Variants in MCM3 observed in about 807,000 individuals in gnomAD.
The protein encoded by MCM3 is minichromosome maintenance complex component 3.
A neutral mutation model predicts 91.3 loss-of-function variants in MCM3; 59 were observed. The observed-to-expected ratio is 0.65, with a 90% CI of 0.52 to 0.80. MCM3 has a LOEUF of 0.80. Among genes scored for constraint, MCM3 ranks in the 30% least tolerant of loss-of-function variants. The pLI is 0.00. For synonymous variants in MCM3, 383 were observed against 379.6 expected (o/e 1.01, Z -0.10); for missense variants, 919 against 1,035.4 (o/e 0.89, Z 1.54).
intron 5 of MCM3, among the ~76,000 whole-genome samples, 190 bp downstream of exon 5, chr6:52,279,171 C>CA (rs1765842033): frequency 1.3e-5 from 2 of 152,202 alleles, no homozygotes; most frequent in African/African-American, 4.8e-5. Context: ...TCATTTTTGG[C>CA]ATATGATGGT....
Position 52,276,358 on chromosome 6 carries a change from C to G in MCM3, c.1284G>C (p.Gln428His). Residue 428 changes from glutamine (Q) to histidine (H), a missense_variant, in exon 9 of 17, where the codon CAG (glutamine) becomes CAC (histidine). Transcript: ENST00000596288. ...DRTAIHEVME[Q>H]GRVTIAKAGI... Reference sequence around the variant, plus strand: ...CAGCCTTGGCAATGGTCACTCGACCCTGCTCCATCACTTCATGGATGGCTG... The same window carrying G: ...CAGCCTTGGCAATGGTCACTCGACCGTGCTCCATCACTTCATGGATGGCTG... The G allele has an allele frequency of 1.9e-6, 3 of 1,614,098 alleles. No homozygotes were observed. Among genetic ancestry groups the G allele is most frequent in the Non-Finnish European group, 2.5e-6 (3 of 1,180,038 alleles).
chr6:52,271,796 C>A (rs1562380522), intron 12 of MCM3, among the ~76,000 whole-genome samples: 1 of 152,178 alleles, frequency 6.6e-6, no homozygotes, highest in East Asian at 1.9e-4. Context: ...CTCTGGGAAT[C>A]CTTCCTTGAC....
intron 6 of MCM3, 112 bp from the exon 7 acceptor site, chr6:52,277,800 G>T: frequency 5.5e-6 from 5 of 915,076 alleles, no homozygotes; most frequent in Non-Finnish European, 8.4e-6. Context: ...CAGGCGCAGT[G>T]GCTCAGGTCT....
At chr6:52,276,230 G>A (rs1242885738) in intron 9 of MCM3, 38 bp downstream of exon 9, 2 of 1,563,066 alleles carry the variant, frequency 1.3e-6, no homozygotes, top group South Asian at 1.1e-5. Flanking sequence ...AAAACCAAAT[G>A]AAGGTGAGGA....
At chr6:52,284,280 CAA>C (rs1161170127) in intron 1 of MCM3, among the ~76,000 whole-genome samples, 1 of 152,240 alleles carries the variant, frequency 6.6e-6, no homozygotes, top group Non-Finnish European at 1.5e-5. Flanking sequence ...CTCCTCAAAT[CAA>C]GAGAGAGCAG....
Position 52,264,583 on chromosome 6 carries a change from C to T in MCM3, c.*5G>A, listed in dbSNP as rs11550934. On this transcript the variant is annotated 3_prime_UTR_variant, in exon 17 of 17. Coordinates refer to ENST00000596288, the MANE Select transcript of MCM3 (RefSeq NM_002388.6). ...GCACAACCCAAGTTCAGAGACGAGG[C>T]CTCCTCAGATGAGGAAGATGATGCC... 1.8e-5 allele frequency: 29 copies of T among 1,614,120 alleles called. No individual in the cohort carries two copies. The African/African-American group carries it at 2.4e-4, about 13-fold the overall frequency.
chr6:52,264,457 A>G lies in MCM3; in HGVS notation c.*131T>C. ...ACCGAGTCCTGAACTCAGCTTCATC[A>G]CCAACATTCCTCGCCTTCAGTTGAA... is the stretch of plus-strand genomic sequence containing the variant. On this transcript the variant is annotated 3_prime_UTR_variant, in exon 17 of 17. Coordinates refer to ENST00000596288, the MANE Select transcript of MCM3 (RefSeq NM_002388.6). 1.0e-6 allele frequency: 1 copy of G among 992,794 alleles called. No individual in the cohort carries two copies. The highest frequency in any genetic ancestry group is 1.5e-6 in the Non-Finnish European group (1 of 660,134). 61.5% of individuals were successfully genotyped at this position (992,794 alleles called of 1,614,324 possible). A position where few individuals can be genotyped will look rare whatever the true frequency, so the allele number is the denominator to read the frequency against.
rs1466657892 is a variant in MCM3 at position 52,283,143 on chromosome 6, A to G, written c.191+151T>C. 2.0e-4 allele frequency: 26 copies of G among 129,006 alleles called. 1 individual carries two copies. Among genetic ancestry groups the G allele is most frequent in the Non-Finnish European group, 3.3e-4 (23 of 70,246 alleles). The allele number at this position is 129,006 out of a possible 1,614,324, so 8.0% of individuals were successfully genotyped here. On this transcript the variant is annotated intron_variant, in intron 2 of 16. Transcript: ENST00000596288. ...ATGCCAACCACCCACTTTTTGAAAA[A>G]AAAAAAAAAAAAAATAGGTGCAGGT...
rs750983303 is a variant in MCM3, at chr6:52,266,620, T to A, written c.2149A>T (p.Met717Leu). 16 of 1,614,042 alleles carry A rather than the reference T, an allele frequency of 9.9e-6. No individual in the cohort carries two copies. In the South Asian group the frequency reaches 1.6e-4, roughly 17 times the overall value. Residue 717 changes from methionine (M) to leucine (L), a missense_variant, in exon 15 of 17, where the codon ATG becomes TTG. Met to Leu is a conservative substitution (Grantham distance 15). Transcript: ENST00000596288. ...AAGTGGGCTCACTCACCTTGAGGCA[T>A]TTCCTCCTCTGTGTCACTGAAGTCA... is the stretch of plus-strand genomic sequence containing the variant. ...PYDFSDTEEE[M>L]PQVHTPKTAD... is the part of the protein sequence containing the mutation.
At chr6:52,278,914 C>T (rs984673638) in intron 5 of MCM3, 64 bp from the exon 6 acceptor site, 12 of 1,188,990 alleles carry the variant, frequency 1.0e-5, no homozygotes, top group African/African-American at 7.6e-5. Flanking sequence ...TAGCTAGTAC[C>T]CCTAGCAGGA....
At chr6:52,277,247 C>T in intron 7 of MCM3, 49 bp from the exon 8 acceptor site, 1 of 1,584,452 alleles carries the variant, frequency 6.3e-7, no homozygotes, top group Non-Finnish European at 8.6e-7. Context: ...CCCAGCACCC[C>T]CAGCAAATTC....
At chr6:52,268,004 T>A (rs770032440) in intron 13 of MCM3, 36 bp from the exon 14 acceptor site, 4 of 1,613,818 alleles carry the variant, frequency 2.5e-6, no homozygotes, top group Admixed American at 1.7e-5. Context: ...GCTAGAGGGG[T>A]CACTGATGCA....
intron 14 of MCM3, 87 bp downstream of exon 14, chr6:52,267,778 G>A (rs567187809): frequency 3.4e-5 from 24 of 713,454 alleles, no homozygotes; most frequent in South Asian, 2.5e-4. Flanking sequence ...CACCCGCCTC[G>A]GCCTCCCAAA....
intron 6 of MCM3, 95 bp downstream of exon 6, chr6:52,278,647 C>T (rs1218666806): frequency 1.7e-5 from 13 of 758,318 alleles, no homozygotes; most frequent in Middle Eastern, 3.6e-4. Context: ...CAAACCTCAA[C>T]CCTTCCTTCT....
Position 52,273,079 on chromosome 6 carries a change from C to G in MCM3, c.1676+151G>C. The G allele has an allele frequency of 1.5e-5, 13 of 871,922 alleles. No individual in the cohort carries two copies. The South Asian group carries it at 1.9e-4, about 13-fold the overall frequency. The allele number at this position is 871,922 out of a possible 1,614,324, so 54.0% of individuals were successfully genotyped here. ...CCAGGATAAAGGATATATTGTGGAC[C>G]CAGAAAAGAAGAAAATTAATCCACG... On this transcript the variant is annotated intron_variant, in intron 11 of 16. Coordinates refer to ENST00000596288, the MANE Select transcript of MCM3 (RefSeq NM_002388.6).
intron 9 of MCM3, 40 bp from the exon 10 acceptor site, chr6:52,273,956 A>C: frequency 6.6e-7 from 1 of 1,525,104 alleles, no homozygotes; most frequent in Non-Finnish European, 9.0e-7. Context: ...CATGACATCA[A>C]TAGGAAGAAA....
At chr6:52,281,953 A>C in intron 4 of MCM3, 92 bp downstream of exon 4, 1 of 1,346,908 alleles carries the variant, frequency 7.4e-7, no homozygotes, top group Non-Finnish European at 1.0e-6. Context: ...CTTTACAGAA[A>C]AAAGACTTCA....
rs1431202474 is a variant in MCM3, at chr6:52,267,937, C to A, written c.2000G>T (p.Arg667Leu). 5 of 1,599,026 alleles carry A rather than the reference C, an allele frequency of 3.1e-6. No homozygotes were observed. Among genetic ancestry groups the A allele is most frequent in the Non-Finnish European group, 4.3e-6 (5 of 1,166,506 alleles). Residue 667 changes from arginine to leucine, a missense_variant, in exon 14 of 17, where the codon CGA becomes CTA. Coordinates refer to ENST00000596288, the MANE Select transcript of MCM3 (RefSeq NM_002388.6). ...VLEKEKKRKK[R>L]SEDESETEDE... is the part of the protein sequence containing the mutation. Reference sequence around the variant, plus strand: ...TTCTGTCTCTGATTCATCCTCACTTCGCTTCTTACGTTTCTTCTCCTTCTC... The same window carrying A: ...TTCTGTCTCTGATTCATCCTCACTTAGCTTCTTACGTTTCTTCTCCTTCTC...
chr6:52,283,320 G>A lies in MCM3; in HGVS notation c.165C>T (p.Arg55=), dbSNP rs1766314172. The A allele has an allele frequency of 1.9e-6, 3 of 1,614,080 alleles. No individual in the cohort carries two copies. In the East Asian group the frequency reaches 6.7e-5, roughly 36 times the overall value. ...GGTTAGCCCTCTTCTCGTTTTTCCTGCGCAGGTCATTCACATTGACAATCA... is the reference window on the plus strand; with the variant it reads ...GGTTAGCCCTCTTCTCGTTTTTCCTACGCAGGTCATTCACATTGACAATCA... ...YRLIVNVNDL[R]RKNEKRANRL... Residue 55 remains arginine, a synonymous_variant, in exon 2 of 17, where the codon CGC becomes CGT. Coordinates refer to ENST00000596288, the MANE Select transcript of MCM3 (RefSeq NM_002388.6).
Sources: gnomAD v4.1 joint callset for allele counts (sites outside exome capture counted in the v4.1 genomes callset) on GRCh38, gnomAD v4.1.1 for gene constraint, MANE v1.5 for transcripts, NCBI Gene and HGNC (gene_info 2026-07-23, HGNC 2026-07-21) for gene names.